The following ZNF534 variants were observed in gnomAD, a reference collection of about 807,000 sequenced individuals.
ZNF534 encodes KRAB domain only 3.
In ZNF534, 19 loss-of-function variants were observed where a neutral mutation model predicts 13.6. That is an observed-to-expected ratio of 1.40 (90% confidence interval 0.97 to 2.05). The LOEUF (loss-of-function observed/expected upper bound fraction) is 2.05. Among genes scored for constraint, ZNF534 ranks in the 30% most tolerant of loss-of-function variants. ZNF534 has a pLI of 0.00. For synonymous variants in ZNF534, 244 were observed against 273.8 expected, an observed-to-expected ratio of 0.89 and a Z score of 1.07; for missense variants, 782 against 796.3, an observed-to-expected ratio of 0.98 and a Z score of 0.22.
exon 5 of ZNF534, chr19:52,451,440 G>A: frequency 3.3e-6 from 2 of 612,636 alleles, no homozygotes; most frequent in African/African-American, 1.9e-5. Flanking sequence ...GTGCGGCGCC[G>A]CACGCCCCGG....
At chr19:52,451,022 CTTTT>C (rs1184631163) in intron 4 of ZNF534, among the ~76,000 whole-genome samples, 2 of 151,954 alleles carry the variant, frequency 1.3e-5, no homozygotes, top group Non-Finnish European at 2.9e-5. Context: ...TGAATAATGT[CTTTT>C]GATATTTTGA....
rs544580344 is a variant in ZNF534, at chr19:52,436,297, G to A, written c.271+1088G>A. ...ACTGCCTTCTACCCTGAAGATACCT[G>A]CTGGAAAAATACACATAGACTTATA... On this transcript the variant is annotated intron_variant, in intron 4 of 4. Transcript: ENST00000433050. Among the ~76,000 whole-genome samples the A allele has an allele frequency of 3.9e-4, 60 of 152,050 alleles. 2 individuals carry two copies. In the South Asian group the frequency reaches 6.9e-3, roughly 17 times the overall value.
exon 5 of ZNF534, chr19:52,451,448 C>G (rs1262172390): frequency 8.1e-6 from 5 of 615,368 alleles, no homozygotes; most frequent in South Asian, 1.9e-5. Flanking sequence ...CCGCACGCCC[C>G]GGACGCTGTC....
intron 1 of ZNF534, among the ~76,000 whole-genome samples, chr19:52,430,638 T>C (rs1202538889): frequency 1.4e-5 from 2 of 143,496 alleles, no homozygotes; most frequent in South Asian, 2.3e-4. Flanking sequence ...GCAACCTCTG[T>C]CTCCTGGGTT....
chr19:52,442,646 T>G (rs1348595905), downstream of ZNF534, among the ~76,000 whole-genome samples: 1 of 152,308 alleles, frequency 6.6e-6, no homozygotes, highest in Middle Eastern at 3.4e-3. Flanking sequence ...ACTTTCCTCT[T>G]TATAACTTTC....
In ZNF534 at chr19:52,439,764, GAA is replaced by G. The variant is rs71180462; in HGVS notation, c.*329_*330del. Reference sequence around the variant, plus strand: ...AGAGTGAAACTCCATCTCAAAAAAAGAAAAAAAAAAAATGAGTGAAGCTGCCA... The same window carrying G: ...AGAGTGAAACTCCATCTCAAAAAAAGAAAAAAAAAATGAGTGAAGCTGCCA... On this transcript the variant is annotated 3_prime_UTR_variant, in exon 5 of 5. Coordinates refer to ENST00000433050, the MANE Select transcript of ZNF534 (RefSeq NM_001143938.3). 8.0e-4 allele frequency among the ~76,000 whole-genome samples: 120 copies of G among 149,272 alleles called. No individual in the cohort carries two copies. Among genetic ancestry groups the G allele is most frequent in the East Asian group, 1.2e-3 (6 of 5,010 alleles).
chr19:52,438,018 T>A lies in ZNF534; in HGVS notation c.558T>A (p.Tyr186Ter). The A allele has an allele frequency of 6.2e-7, 1 of 1,614,158 alleles. No homozygotes were observed. Among genetic ancestry groups the A allele is most frequent in the East Asian group, 2.2e-5 (1 of 44,878 alleles). ...AAGTACACATTAGGGAAAAGCCTTA[T>A]GGATGTAATGAGCATGGGAAAGTCT... The part of the protein sequence containing the change: ...EQKVHIREKP[Y>*]GCNEHGKVFR... Residue 186 changes from tyrosine (Y) to a stop codon, truncating the protein, a stop_gained, in exon 5 of 5, where the codon TAT becomes TAA. Coordinates refer to ENST00000433050, the MANE Select transcript of ZNF534 (RefSeq NM_001143938.3). LOFTEE classifies it low-confidence loss of function (END_TRUNC).
chr19:52,443,044 C>T (rs1025718546), downstream of ZNF534, among the ~76,000 whole-genome samples: 6 of 152,034 alleles, frequency 3.9e-5, no homozygotes, highest in Non-Finnish European at 5.9e-5. Context: ...GTATTGATTA[C>T]GTGGTAGCAA....
At chr19:52,434,947 A>G in intron 3 of ZNF534, 134 bp from the exon 4 acceptor site, 6 of 1,146,034 alleles carry the variant, frequency 5.2e-6, no homozygotes, top group Non-Finnish European at 7.3e-6. Flanking sequence ...TAGCATTCAG[A>G]AGGATGCAAT....
intron 1 of ZNF534, among the ~76,000 whole-genome samples, chr19:52,430,207 G>C (rs974226118): frequency 6.6e-6 from 1 of 151,442 alleles, no homozygotes; most frequent in African/African-American, 2.4e-5. Context: ...GTACAGACAG[G>C]GTTTGACCAT....
chr19:52,431,346 C>T, intron 1 of ZNF534, 62 bp from the exon 2 acceptor site: 3 of 1,240,064 alleles, frequency 2.4e-6, no homozygotes, highest in Admixed American at 2.0e-5. Context: ...TTTTGTGTGG[C>T]TGTGGCACAG....
At chr19:52,448,772 A>G (rs2059202749) in intron 4 of ZNF534, among the ~76,000 whole-genome samples, 2 of 152,228 alleles carry the variant, frequency 1.3e-5, no homozygotes, top group South Asian at 4.1e-4. Flanking sequence ...TATATGGTAC[A>G]TGTGATATTT....
At chr19:52,432,555 T>A (rs2122657699) in intron 2 of ZNF534, among the ~76,000 whole-genome samples, 1 of 152,378 alleles carries the variant, frequency 6.6e-6, no homozygotes, top group African/African-American at 2.4e-5. Context: ...GCCTATCACA[T>A]GGGAAGTGTT....
At chr19:52,433,656 G>A (rs540094844) in intron 2 of ZNF534, among the ~76,000 whole-genome samples, 76 of 152,350 alleles carry the variant, frequency 5.0e-4, no homozygotes, top group African/African-American at 1.5e-3. Context: ...ATGAGCCGCC[G>A]TGCCCGGCAG....
At chr19:52,447,102 A>G (rs2059197123), downstream of ZNF534, among the ~76,000 whole-genome samples, 2 of 151,980 alleles carry the variant, frequency 1.3e-5, no homozygotes, top group African/African-American at 4.8e-5. Flanking sequence ...CTACTAAGTG[A>G]CTCTAACTCC....
chr19:52,434,284 A>T (rs542909919), intron 3 of ZNF534, among the ~76,000 whole-genome samples: 2 of 151,784 alleles, frequency 1.3e-5, no homozygotes, highest in Admixed American at 1.3e-4. Context: ...TCACGAGGTC[A>T]GGAGATCGAG....
intron 4 of ZNF534, among the ~76,000 whole-genome samples, chr19:52,437,419 C>T (rs1304695001): frequency 1.1e-4 from 16 of 152,068 alleles, no homozygotes; most frequent in Admixed American, 1.0e-3. Flanking sequence ...GAGTTTGAGA[C>T]CAGCCTGGCC....
intron 2 of ZNF534, among the ~76,000 whole-genome samples, chr19:52,431,792 G>A (rs568904315): frequency 6.6e-6 from 1 of 152,128 alleles, no homozygotes; most frequent in South Asian, 2.1e-4. Context: ...TTGTTCAGGG[G>A]CCACATCTGG....
intron 4 of ZNF534, among the ~76,000 whole-genome samples, chr19:52,450,025 A>G (rs2059207642): frequency 6.6e-6 from 1 of 152,198 alleles, no homozygotes; most frequent in Admixed American, 6.5e-5. Context: ...CGTCTAAAAA[A>G]AAAAATTGCT....
Sources: gnomAD v4.1 joint callset for allele counts (sites outside exome capture counted in the v4.1 genomes callset) on GRCh38, gnomAD v4.1.1 for gene constraint, MANE v1.5 for transcripts, NCBI Gene and HGNC (gene_info 2026-07-23, HGNC 2026-07-21) for gene names.